CYLD: variants seen among roughly 807,000 people sequenced by gnomAD.
The protein encoded by CYLD is ubiquitin carboxyl-terminal hydrolase CYLD.
A neutral mutation model predicts 104.5 loss-of-function variants in CYLD; 26 were observed. That is an observed-to-expected ratio of 0.25 (90% CI 0.18 to 0.35). The LOEUF (loss-of-function observed/expected upper bound fraction) is 0.35. Among genes scored for constraint, CYLD ranks in the 10% least tolerant of loss-of-function variants. The pLI is 1.00. For synonymous variants in CYLD, 385 were observed against 399.9 expected (o/e 0.96, Z 0.45); for missense variants, 703 against 1,136.1 (o/e 0.62, Z 5.48).
intron 9 of CYLD, among the ~76,000 whole-genome samples, chr16:50,780,773 C>T (rs1970143881): frequency 6.6e-6 from 1 of 152,074 alleles, no homozygotes; most frequent in African/African-American, 2.4e-5. Flanking sequence ...CCCGCCTTGG[C>T]CTCCTAAAGT....
intron 12 of CYLD, 132 bp downstream of exon 12, chr16:50,784,583 T>C (rs1469741962): frequency 6.9e-6 from 7 of 1,020,240 alleles, no homozygotes; most frequent in Non-Finnish European, 1.0e-5. Context: ...TGGTAAAATA[T>C]TACGTTTTTA....
At position 50,796,313 on chromosome 16, in the gene CYLD, C is replaced by G. The variant is rs377317285; in HGVS notation, c.2687-11C>G. ...GACTGCCCTATAAAGAGTTCTTCCT[C>G]TGTGCCATAGGTGGTCAGAATGGCT... is the stretch of plus-strand genomic sequence containing the variant. On this transcript the variant is annotated splice_polypyrimidine_tract_variant and intron_variant, in intron 18 of 18. Transcript: ENST00000427738. 6 of 1,613,844 alleles carry G rather than the reference C, an allele frequency of 3.7e-6. No individual in the cohort carries two copies. Among genetic ancestry groups the G allele is most frequent in the Non-Finnish European group, 5.1e-6 (6 of 1,179,856 alleles).
At chr16:50,782,285 G>T (rs370113906) in intron 10 of CYLD, 40 bp from the exon 11 acceptor site, 8 of 1,420,756 alleles carry the variant, frequency 5.6e-6, no homozygotes, top group African/African-American at 2.9e-5. Flanking sequence ...TAGTTTAAAA[G>T]AATTCTTTTC....
chr16:50,801,822 C>T lies in CYLD; in HGVS notation c.*5314C>T, dbSNP rs980135927. On this transcript the variant is annotated 3_prime_UTR_variant, in exon 19 of 19. Coordinates refer to ENST00000427738, the MANE Select transcript of CYLD (RefSeq NM_001378743.1). ...CATAGAATACCCCTTCCTATCAGCT[C>T]GCTCTGATTTAGCCTTAATTTTGTT... 10 of 233,212 alleles carry T rather than the reference C, an allele frequency of 4.3e-5. No individual in the cohort carries two copies. The highest frequency in any genetic ancestry group is 4.2e-4 in the East Asian group (7 of 16,608). 14.4% of individuals were successfully genotyped at this position (233,212 alleles called of 1,614,324 possible).
rs987603704 is a variant in CYLD, at chr16:50,800,986, A to T, written c.*4478A>T. 2 of 233,374 alleles carry T rather than the reference A, an allele frequency of 8.6e-6. No homozygotes were observed. The highest frequency in any genetic ancestry group is 1.7e-5 in the Non-Finnish European group (2 of 118,074). 14.5% of individuals were successfully genotyped at this position (233,374 alleles called of 1,614,324 possible). On this transcript the variant is annotated 3_prime_UTR_variant, in exon 19 of 19. Coordinates refer to ENST00000427738, the MANE Select transcript of CYLD (RefSeq NM_001378743.1). ...AGCAGATGTGTGTGGGGCCTTATGA[A>T]GACCAGGATTCTGCGGGTGTCAGGG... is the stretch of plus-strand genomic sequence containing the variant.
chr16:50,767,552 G>A (rs181651389), intron 5 of CYLD, among the ~76,000 whole-genome samples: 16 of 149,752 alleles, frequency 1.1e-4, no homozygotes, highest in East Asian at 2.0e-4. Flanking sequence ...GAAAGTAACC[G>A]TTCTCTTTAC....
Position 50,801,614 on chromosome 16 carries a change from T to G in CYLD, c.*5106T>G. 2 of 233,664 alleles carry G rather than the reference T, an allele frequency of 8.6e-6. No homozygotes were observed. Among genetic ancestry groups the G allele is most frequent in the Non-Finnish European group, 1.7e-5 (2 of 117,950 alleles). The allele number at this position is 233,664 out of a possible 1,614,324, so 14.5% of individuals were successfully genotyped here. A position where few individuals can be genotyped will look rare whatever the true frequency, so the allele number is the denominator to read the frequency against. On this transcript the variant is annotated 3_prime_UTR_variant, in exon 19 of 19. Transcript: ENST00000427738. ...TTAGCATCAGATCATAAACATTCAT[T>G]AAAAGAACTCACATCCCATCTGAAA...
chr16:50,779,803 T>A lies in CYLD; in HGVS notation c.1277T>A (p.Met426Lys). The part of the protein sequence containing the change: ...FHSLPFSLTK[M>K]PNTNGSIGHS... ...TCTTTACCATTCAGTCTCACCAAGATGCCCAATACCAATGGAAGTATTGGC... is the reference window on the plus strand; with the variant it reads ...TCTTTACCATTCAGTCTCACCAAGAAGCCCAATACCAATGGAAGTATTGGC... Residue 426 changes from methionine (M) to lysine (K), a missense_variant, in exon 9 of 19, where the codon ATG becomes AAG. Physicochemically the swap from Met to Lys is moderately conservative, Grantham distance 95. This residue lies in a region of CYLD where 183 missense variants were observed against 212.1 expected (regional missense o/e 0.86). Transcript: ENST00000427738. 6.2e-7 allele frequency: 1 copy of A among 1,613,462 alleles called. No individual in the cohort carries two copies. The highest frequency in any genetic ancestry group is 8.5e-7 in the Non-Finnish European group (1 of 1,179,918).
chr16:50,789,604 A>G (rs1004672412), intron 14 of CYLD, among the ~76,000 whole-genome samples: 11 of 152,254 alleles, frequency 7.2e-5, no homozygotes, highest in East Asian at 1.9e-4. Flanking sequence ...CTTCATATTG[A>G]GAATCACTTT....
chr16:50,792,109 T>G (rs1408301329), intron 15 of CYLD, among the ~76,000 whole-genome samples: 2 of 152,334 alleles, frequency 1.3e-5, no homozygotes, highest in Non-Finnish European at 1.5e-5. Context: ...ATAGAAATTA[T>G]TTTTCTTTTA....
chr16:50,755,574 C>G (rs563624053), intron 5 of CYLD, among the ~76,000 whole-genome samples: 1 of 152,278 alleles, frequency 6.6e-6, no homozygotes, highest in East Asian at 1.9e-4. Flanking sequence ...GCCATTCTTG[C>G]AAGAGTGAGG....
intron 15 of CYLD, 117 bp downstream of exon 15, chr16:50,791,807 T>C: frequency 1.7e-6 from 2 of 1,145,356 alleles, no homozygotes; most frequent in East Asian, 4.7e-5. Flanking sequence ...ACACAAACTG[T>C]TAAGAAACAC....
rs780446957 is a variant in CYLD at position 50,751,687 on chromosome 16, T to C, written c.588T>C (p.Phe196=). 2.1e-5 allele frequency: 34 copies of C among 1,613,810 alleles called. No individual in the cohort carries two copies. Among genetic ancestry groups the C allele is most frequent in the Non-Finnish European group, 2.9e-5 (34 of 1,179,810 alleles). ...LFQCDEDCGV[F]VALDKLELIE... ...AGTGTGATGAAGATTGTGGCGTGTTTGTTGCATTGGACAAGCTAGAACTCA... is the reference window on the plus strand; with the variant it reads ...AGTGTGATGAAGATTGTGGCGTGTTCGTTGCATTGGACAAGCTAGAACTCA... Residue 196 remains phenylalanine, a synonymous_variant, in exon 4 of 19, where the codon TTT becomes TTC. Transcript: ENST00000427738.
Position 50,784,315 on chromosome 16 carries a change from T to A in CYLD, c.1827-14T>A. On this transcript the variant is annotated splice_polypyrimidine_tract_variant and intron_variant, in intron 11 of 18. Coordinates refer to ENST00000427738, the MANE Select transcript of CYLD (RefSeq NM_001378743.1). ...GTTTACAGCATGAAGAAAATTATCC[T>A]TTTTCTTTTGCAGCTTATTTGCTTT... is the stretch of plus-strand genomic sequence containing the variant. 1 of 1,612,194 alleles carries A rather than the reference T, an allele frequency of 6.2e-7. No homozygotes were observed. The highest frequency in any genetic ancestry group is 8.5e-7 in the Non-Finnish European group (1 of 1,178,768).
At chr16:50,793,149 T>C (rs557596012) in intron 16 of CYLD, among the ~76,000 whole-genome samples, 2 of 147,900 alleles carry the variant, frequency 1.4e-5, no homozygotes, top group Non-Finnish European at 3.0e-5. Flanking sequence ...CACACACACA[T>C]GCATATATAC....
intron 5 of CYLD, among the ~76,000 whole-genome samples, chr16:50,764,488 T>A (rs1968281026): frequency 6.6e-6 from 1 of 152,226 alleles, no homozygotes; most frequent in Non-Finnish European, 1.5e-5. Context: ...TCTGCCCTTG[T>A]GTTCCTATTT....
chr16:50,751,844 G>T lies in CYLD; in HGVS notation c.745G>T (p.Val249Phe). 6.2e-7 allele frequency: 1 copy of T among 1,613,234 alleles called. No individual in the cohort carries two copies. Residue 249 changes from valine to phenylalanine, a missense_variant, in exon 4 of 19, where the codon GTT (valine) becomes TTT (phenylalanine). Coordinates refer to ENST00000427738, the MANE Select transcript of CYLD (RefSeq NM_001378743.1). Reference protein sequence around the residue: ...KVGETIESGTVIFCDVLPGKE... With the variant: ...KVGETIESGTFIFCDVLPGKE... ...TGGAGAAACAATAGAATCTGGAACA[G>T]TTATATTCTGTGATGTTTTGCCAGG...
intron 10 of CYLD, among the ~76,000 whole-genome samples, chr16:50,781,966 CTTA>C (rs1176448898): frequency 6.6e-6 from 1 of 152,160 alleles, no homozygotes; most frequent in Non-Finnish European, 1.5e-5. Context: ...GAAAAACACT[CTTA>C]TTATGTTGAA....
At chr16:50,790,816 G>A (rs1197858126) in intron 14 of CYLD, among the ~76,000 whole-genome samples, 1 of 151,920 alleles carries the variant, frequency 6.6e-6, no homozygotes, top group Non-Finnish European at 1.5e-5. Context: ...CAGAAATTCT[G>A]CTGAAAAGGT....
Sources: allele counts gnomAD v4.1 joint callset (sites outside exome capture counted in the v4.1 genomes callset), GRCh38; gene constraint gnomAD v4.1.1; regional missense constraint gnomAD v4.1.1; transcripts MANE v1.5; gene names NCBI Gene and HGNC (gene_info 2026-07-23, HGNC 2026-07-21).